The following IFIH1 variants were observed in gnomAD, a reference collection of about 807,000 sequenced individuals.
The protein encoded by IFIH1 is interferon-induced helicase C domain-containing protein 1.
In IFIH1, 125 loss-of-function variants were observed where a neutral mutation model predicts 107.4. That is an observed-to-expected ratio of 1.16 (90% CI 1.01 to 1.35). IFIH1 has a LOEUF of 1.35. IFIH1 is among the 40% of genes most tolerant of loss of function. The pLI is 0.00. For synonymous variants in IFIH1, 458 were observed against 413.2 expected (o/e 1.11, Z -1.31); for missense variants, 1,333 against 1,213.7 (o/e 1.10, Z -1.46).
intron 5 of IFIH1, among the ~76,000 whole-genome samples, chr2:162,286,765 G>T (rs1312459335): frequency 6.6e-6 from 1 of 151,898 alleles, no homozygotes; most frequent in East Asian, 1.9e-4. Flanking sequence ...AAGCCTCCCT[G>T]GTTATGTTAC....
At chr2:162,311,725 T>A (rs1226112526) in intron 1 of IFIH1, among the ~76,000 whole-genome samples, 1 of 152,162 alleles carries the variant, frequency 6.6e-6, no homozygotes, top group Non-Finnish European at 1.5e-5. Context: ...AAAGAGTAAC[T>A]CAAGCCATGT....
chr2:162,287,412 C>A (rs1682913541), intron 5 of IFIH1, among the ~76,000 whole-genome samples: 1 of 151,780 alleles, frequency 6.6e-6, no homozygotes. Context: ...AATTAATAAA[C>A]TGTCATTTAT....
Position 162,288,169 on chromosome 2 carries a change from G to A in IFIH1, c.1061C>T (p.Ser354Phe), listed in dbSNP as rs751669754. The part of the protein sequence containing the change: ...KDHLDKKKKA[S>F]EPGKVIVLVN... ...AAGAACTATAACTTTTCCAGGCTCA[G>A]ATGCTTTTTTCTTCTTGTCTAAGTG... The change falls in exon 5 of 16, where the codon TCT becomes TTT. Residue 354 changes from serine (S) to phenylalanine (F), a missense_variant. Physicochemically the swap from Ser to Phe is radical, Grantham distance 155 (BLOSUM62 -2). Transcript: ENST00000649979. 1.2e-6 allele frequency: 2 copies of A among 1,612,258 alleles called. No individual in the cohort carries two copies. The highest frequency in any genetic ancestry group is 3.3e-5 in the Admixed American group (2 of 59,834).
chr2:162,293,760 G>C (rs1683039872), intron 3 of IFIH1, 92 bp from the exon 4 acceptor site: 1 of 705,098 alleles, frequency 1.4e-6, no homozygotes, highest in East Asian at 2.8e-5. Context: ...AGTACATACA[G>C]TTCAATTCAA....
intron 1 of IFIH1, 124 bp from the exon 2 acceptor site, chr2:162,311,057 C>A: frequency 1.5e-6 from 1 of 668,990 alleles, no homozygotes; most frequent in Non-Finnish European, 2.3e-6. Context: ...TACATTGAAA[C>A]ATTGAAGAAA....
Position 162,267,347 on chromosome 2 carries a change from T to G in IFIH1, c.2931A>C (p.Leu977Phe). ...TCCTTATTTTGAGACAAGGCAAATCTAAGCCTTTGTGCACCATCATTGTTC... is the reference window on the plus strand; with the variant it reads ...TCCTTATTTTGAGACAAGGCAAATCGAAGCCTTTGTGCACCATCATTGTTC... ...AWGTMMVHKGLDLPCLKIRNF... is the reference protein window; with the variant it reads ...AWGTMMVHKGFDLPCLKIRNF... Residue 977 changes from leucine to phenylalanine, a missense_variant, in exon 16 of 16, where the codon TTA becomes TTC. Transcript: ENST00000649979. 1.2e-6 allele frequency: 2 copies of G among 1,613,582 alleles called. No homozygotes were observed. The highest frequency in any genetic ancestry group is 8.5e-7 in the Non-Finnish European group (1 of 1,179,900).
intron 3 of IFIH1, among the ~76,000 whole-genome samples, chr2:162,303,171 A>C (rs1683220329): frequency 2.6e-5 from 4 of 151,864 alleles, no homozygotes; most frequent in Admixed American, 2.6e-4. Flanking sequence ...CTGGAGTGCA[A>C]TGGTGCAATC....
At chr2:162,268,329 G>A in intron 13 of IFIH1, 52 bp from the exon 14 acceptor site, 1 of 1,250,092 alleles carries the variant, frequency 8.0e-7, no homozygotes, top group African/African-American at 1.5e-5. Context: ...TCTTTTTTCA[G>A]TTTCATAGAA....
At chr2:162,267,417 G>A in intron 15 of IFIH1, 38 bp from the exon 16 acceptor site, 2 of 1,612,572 alleles carry the variant, frequency 1.2e-6, no homozygotes, top group Admixed American at 1.7e-5. Flanking sequence ...AAAATTAAAT[G>A]TACATGCAAT....
chr2:162,308,831 A>T (rs779974193), intron 2 of IFIH1, among the ~76,000 whole-genome samples: 15 of 152,236 alleles, frequency 9.9e-5, no homozygotes, highest in Non-Finnish European at 1.9e-4. Flanking sequence ...TACAAAATAC[A>T]TTCATCTCAT....
rs1691098793 is a variant in IFIH1 at position 162,274,036 on chromosome 2, A to C, written c.2305-92T>G. 3 of 842,034 alleles carry C rather than the reference A, an allele frequency of 3.6e-6. No homozygotes were observed. The African/African-American group carries it at 5.3e-5, about 15-fold the overall frequency. 52.2% of individuals were successfully genotyped at this position (842,034 alleles called of 1,614,324 possible). On this transcript the variant is annotated intron_variant, in intron 11 of 15. Coordinates refer to ENST00000649979, the MANE Select transcript of IFIH1 (RefSeq NM_022168.4). ...AAGAAATAATAAATTGCAACTGGTCAGTGTAAATCAAAGGATTAGATCATA... is the reference window on the plus strand; with the variant it reads ...AAGAAATAATAAATTGCAACTGGTCCGTGTAAATCAAAGGATTAGATCATA...
At chr2:162,306,039 G>A (rs1683275069) in intron 3 of IFIH1, among the ~76,000 whole-genome samples, 1 of 152,186 alleles carries the variant, frequency 6.6e-6, no homozygotes, top group Non-Finnish European at 1.5e-5. Context: ...GCACACCACA[G>A]GCTTTAAGCA....
intron 13 of IFIH1, 23 bp from the exon 14 acceptor site, chr2:162,268,300 A>G: frequency 6.6e-7 from 1 of 1,511,322 alleles, no homozygotes; most frequent in Non-Finnish European, 9.1e-7. Flanking sequence ...AGGAATAGTT[A>G]GTGGTTTCAG....
At chr2:162,296,246 A>G (rs1683083241) in intron 3 of IFIH1, among the ~76,000 whole-genome samples, 1 of 152,088 alleles carries the variant, frequency 6.6e-6, no homozygotes, top group Admixed American at 6.6e-5. Flanking sequence ...TGCACGAATA[A>G]TTGATGAATT....
intron 1 of IFIH1, among the ~76,000 whole-genome samples, chr2:162,315,122 C>T (rs761602696): frequency 2.0e-5 from 3 of 152,084 alleles, no homozygotes; most frequent in Non-Finnish European, 2.9e-5. Context: ...AAATACAAGA[C>T]CATTTTATAG....
chr2:162,269,479 C>T (rs1236679144), intron 13 of IFIH1, among the ~76,000 whole-genome samples: 1 of 152,166 alleles, frequency 6.6e-6, no homozygotes, highest in Non-Finnish European at 1.5e-5. Context: ...CCTCTTTATT[C>T]TATGCTCTGT....
At chr2:162,277,284 A>G in intron 10 of IFIH1, 131 bp downstream of exon 10, 1 of 676,404 alleles carries the variant, frequency 1.5e-6, no homozygotes, top group Non-Finnish European at 2.5e-6. Context: ...ATATCATTAG[A>G]AATAGTTCCA....
At chr2:162,277,730 C>T (rs1682725971) in intron 9 of IFIH1, 37 bp from the exon 10 acceptor site, 3 of 1,561,876 alleles carry the variant, frequency 1.9e-6, no homozygotes, top group South Asian at 1.2e-5. Flanking sequence ...AAATAATAAG[C>T]ATATAAACCC....
intron 5 of IFIH1, among the ~76,000 whole-genome samples, 175 bp from the exon 6 acceptor site, chr2:162,282,751 T>C (rs575244886): frequency 6.6e-6 from 1 of 152,096 alleles, no homozygotes; most frequent in South Asian, 2.1e-4. Context: ...GCACTGATTA[T>C]ACCCTTGTTA....
Sources: gnomAD v4.1 joint callset for allele counts (sites outside exome capture counted in the v4.1 genomes callset) on GRCh38, gnomAD v4.1.1 for gene constraint, MANE v1.5 for transcripts, NCBI Gene and HGNC (gene_info 2026-07-23, HGNC 2026-07-21) for gene names.